The following LINGO1 variants were observed in gnomAD, a reference collection of about 807,000 sequenced individuals.
LINGO1 encodes the protein leucine-rich repeat and immunoglobulin-like domain-containing nogo receptor-interacting protein 1.
LINGO1 carries 11 observed loss-of-function variants against 37.3 expected under a neutral mutation model. That is an observed-to-expected ratio of 0.29 (90% confidence interval 0.19 to 0.49). LINGO1 has a LOEUF of 0.49. Among genes scored for constraint, LINGO1 ranks in the 20% least tolerant of loss-of-function variants. The pLI, the probability that LINGO1 is intolerant of heterozygous loss-of-function variation, is 0.99. For synonymous variants in LINGO1, 387 were observed against 403.0 expected (o/e 0.96, Z 0.48); for missense variants, 585 against 878.2 (o/e 0.67, Z 4.22).
intron 3 of LINGO1, chr15:77,660,168 T>C (rs1252289135): frequency 6.6e-6 from 1 of 152,140 alleles, no homozygotes; most frequent in African/African-American, 2.4e-5. Context: ...TCTATAGGGT[T>C]CGTTTGAGGC....
At chr15:77,746,556 C>A (rs2076316739) in intron 1 of LINGO1, among the ~76,000 whole-genome samples, 1 of 152,130 alleles carries the variant, frequency 6.6e-6, no homozygotes, top group South Asian at 2.1e-4. Context: ...TAGAATTGCC[C>A]CCATGCCACA....
At chr15:77,753,833 G>C (rs1231345267) in intron 1 of LINGO1, among the ~76,000 whole-genome samples, 1 of 152,230 alleles carries the variant, frequency 6.6e-6, no homozygotes, top group East Asian at 1.9e-4. Context: ...TTGCAACACA[G>C]AAAGTGCCCT....
upstream of LINGO1, among the ~76,000 whole-genome samples, chr15:77,790,376 AAGG>A (rs2076808945): frequency 6.6e-6 from 1 of 152,210 alleles, no homozygotes; most frequent in Non-Finnish European, 1.5e-5. Flanking sequence ...TGGCTGTGAT[AAGG>A]AGGAGATGGG....
chr15:77,685,813 T>C (rs1024367704), intron 2 of LINGO1, among the ~76,000 whole-genome samples: 1 of 152,036 alleles, frequency 6.6e-6, no homozygotes, highest in Non-Finnish European at 1.5e-5. Flanking sequence ...ATCACAACAC[T>C]GCTCTCCATT....
At chr15:77,806,249 G>A (rs1047290543) in intron 1 of LINGO1, among the ~76,000 whole-genome samples, 3 of 152,024 alleles carry the variant, frequency 2.0e-5, no homozygotes, top group South Asian at 2.1e-4. Context: ...GCTGAGAGAC[G>A]CGAGGGCAGA....
chr15:77,782,189 C>T (rs991914138), intron 1 of LINGO1, among the ~76,000 whole-genome samples: 2 of 150,166 alleles, frequency 1.3e-5, no homozygotes, highest in African/African-American at 4.9e-5. Context: ...GGGCTCCACA[C>T]GATGCTCAAG....
chr15:77,720,502 A>G (rs971815139), intron 2 of LINGO1: 1 of 152,288 alleles, frequency 6.6e-6, no homozygotes, highest in African/African-American at 2.4e-5. Flanking sequence ...TCCCCATGCA[A>G]CAGAAGGTTA....
intron 1 of LINGO1, among the ~76,000 whole-genome samples, chr15:77,752,664 G>GGA (rs907047480): frequency 2.0e-5 from 3 of 152,248 alleles, no homozygotes; most frequent in African/African-American, 7.2e-5. Context: ...AGGGAGGGAA[G>GGA]GAGAGGTAGG....
chr15:77,629,953 A>G (rs2074204058), intron 1 of LINGO1, among the ~76,000 whole-genome samples: 1 of 152,042 alleles, frequency 6.6e-6, no homozygotes, highest in Non-Finnish European at 1.5e-5. Flanking sequence ...AAGGAGAGGA[A>G]AGGACCTTTT....
At chr15:77,620,407 G>A (rs1273437546) in intron 1 of LINGO1, among the ~76,000 whole-genome samples, 1 of 152,252 alleles carries the variant, frequency 6.6e-6, no homozygotes, top group African/African-American at 2.4e-5. Context: ...GCAGAGGGCA[G>A]GTCCTAGGCT....
chr15:77,767,826 T>C (rs951320965), intron 1 of LINGO1, among the ~76,000 whole-genome samples: 1 of 152,206 alleles, frequency 6.6e-6, no homozygotes, highest in African/African-American at 2.4e-5. Flanking sequence ...GTACATTACA[T>C]AGCTCAGCCA....
At chr15:77,634,467 G>GGGT (rs2141089328), upstream of LINGO1, 1 of 381,532 alleles carries the variant, frequency 2.6e-6, no homozygotes, top group East Asian at 7.3e-5. Context: ...TCACCCTCCA[G>GGGT]CAACTCTGGG....
At chr15:77,776,479 AGGC>A (rs2076645485) in intron 1 of LINGO1, among the ~76,000 whole-genome samples, 2 of 137,238 alleles carry the variant, frequency 1.5e-5, no homozygotes, top group African/African-American at 5.7e-5. Context: ...GAAGGCAGGA[AGGC>A]AGGAAAGCAG....
intron 3 of LINGO1, among the ~76,000 whole-genome samples, chr15:77,662,406 C>T (rs554502731): frequency 1.2e-4 from 19 of 152,240 alleles, no homozygotes; most frequent in African/African-American, 4.6e-4. Context: ...GGGCAGGAAA[C>T]CCTTTTCTAT....
At chr15:77,683,424 G>C (rs900021041) in intron 2 of LINGO1, among the ~76,000 whole-genome samples, 1 of 152,206 alleles carries the variant, frequency 6.6e-6, no homozygotes, top group Non-Finnish European at 1.5e-5. Flanking sequence ...GCTCCCCGAA[G>C]CATTATTTGC....
At chr15:77,644,672 C>T (rs1420892545) in intron 3 of LINGO1, among the ~76,000 whole-genome samples, 2 of 152,202 alleles carry the variant, frequency 1.3e-5, no homozygotes, top group African/African-American at 4.8e-5. Flanking sequence ...CTGGCCACTT[C>T]GGAAGCTGAG....
intron 1 of LINGO1, among the ~76,000 whole-genome samples, chr15:77,765,908 AC>A (rs1441958481): frequency 6.6e-6 from 1 of 152,032 alleles, no homozygotes; most frequent in Non-Finnish European, 1.5e-5. Flanking sequence ...AGCCTTTAGC[AC>A]CCCACTCCTA....
At chr15:77,738,504 C>A (rs2076224629) in intron 1 of LINGO1, among the ~76,000 whole-genome samples, 1 of 152,190 alleles carries the variant, frequency 6.6e-6, no homozygotes, top group African/African-American at 2.4e-5. Flanking sequence ...GCCCTCTTAC[C>A]ATCCCTAGGC....
upstream of LINGO1, chr15:77,788,051 G>A (rs1018684119): frequency 6.6e-6 from 1 of 152,156 alleles, no homozygotes; most frequent in Admixed American, 6.5e-5. Flanking sequence ...CACCAACTGT[G>A]AGAAGGCTCC....
Sources: allele counts gnomAD v4.1 joint callset (sites outside exome capture counted in the v4.1 genomes callset), GRCh38; gene constraint gnomAD v4.1.1; transcripts MANE v1.5; gene names NCBI Gene and HGNC (gene_info 2026-07-23, HGNC 2026-07-21).